Variants in KATNAL2 observed in about 807,000 individuals in gnomAD.
KATNAL2 encodes the protein katanin catalytic subunit A1 like 2, also known as katanin p60 ATPase-containing subunit A-like 2.
In KATNAL2, 52 loss-of-function variants were observed where a neutral mutation model predicts 76.3. The ratio of observed to expected loss-of-function variants is 0.68; its 90% CI spans 0.55 to 0.86. KATNAL2 has a LOEUF of 0.86. KATNAL2 is among the 40% of genes least tolerant of loss of function. The pLI is 0.00. For synonymous variants in KATNAL2, 243 were observed against 244.2 expected (o/e 1.00, Z 0.05); for missense variants, 660 against 668.9 (o/e 0.99, Z 0.15).
At chr18:47,059,406 G>C in intron 7 of KATNAL2, 150 bp from the exon 8 acceptor site, 1 of 647,796 alleles carries the variant, frequency 1.5e-6, no homozygotes, top group Non-Finnish European at 2.8e-6. Context: ...ATCTTCCTGG[G>C]TCTGCACAAA....
intron 4 of KATNAL2, 80 bp downstream of exon 4, chr18:47,046,607 C>A: frequency 4.0e-6 from 4 of 1,001,420 alleles, no homozygotes; most frequent in Non-Finnish European, 4.5e-6. Context: ...CTTTTAAATA[C>A]AATAGACTTT....
At chr18:46,961,999 A>AT (rs1352164327) in intron 3 of KATNAL2, among the ~76,000 whole-genome samples, 1 of 152,176 alleles carries the variant, frequency 6.6e-6, no homozygotes. Flanking sequence ...AGGCATTAAC[A>AT]TTTTTCCTTT....
Position 46,917,618 on chromosome 18 carries a change from G to C in KATNAL2, c.-818G>C, listed in dbSNP as rs2058140856. ...CGCGCCTTCAGTCCGCGCGGCGACA[G>C]CGCCCGCCCGCGCCTGCCCCGGCGT... On this transcript the variant is annotated 5_prime_UTR_variant, in exon 1 of 18. Coordinates refer to ENST00000683218, the MANE Select transcript of KATNAL2 (RefSeq NM_001387690.1). The C allele has an allele frequency of 3.3e-6, 3 of 920,984 alleles. No homozygotes were observed. In the African/African-American group the frequency reaches 5.4e-5, roughly 17 times the overall value. The allele number at this position is 920,984 out of a possible 1,614,324, so 57.1% of individuals were successfully genotyped here.
At chr18:46,953,739 A>T (rs534204058) in intron 3 of KATNAL2, among the ~76,000 whole-genome samples, 1 of 147,994 alleles carries the variant, frequency 6.8e-6, no homozygotes, top group South Asian at 2.2e-4. Context: ...CCTAGGCGAC[A>T]CATGGAGACC....
chr18:46,960,268 TC>T (rs1666418412), intron 3 of KATNAL2, among the ~76,000 whole-genome samples: 2 of 151,996 alleles, frequency 1.3e-5, no homozygotes. Context: ...TGAAACCTCA[TC>T]TCTACTAAAA....
At position 47,058,355 on chromosome 18, in the gene KATNAL2, C is replaced by G; in HGVS notation, c.450+3C>G. Reference sequence around the variant, plus strand: ...TCAATAAGGAGCATCCTAATCAGGTCAGGATGGCTTGGCTTGACTTTGTGA... The same window carrying G: ...TCAATAAGGAGCATCCTAATCAGGTGAGGATGGCTTGGCTTGACTTTGTGA... On this transcript the variant is annotated splice_donor_region_variant and intron_variant, in intron 7 of 17. Transcript: ENST00000683218. 7 of 1,571,738 alleles carry G rather than the reference C, an allele frequency of 4.5e-6. No individual in the cohort carries two copies. The highest frequency in any genetic ancestry group is 6.1e-6 in the Non-Finnish European group (7 of 1,142,278).
intron 15 of KATNAL2, among the ~76,000 whole-genome samples, chr18:47,086,291 G>A (rs988003332): frequency 2.6e-5 from 4 of 152,048 alleles, no homozygotes; most frequent in African/African-American, 4.8e-5. Flanking sequence ...CATTGCAATT[G>A]CCTTCAGTCC....
intron 1 of KATNAL2, among the ~76,000 whole-genome samples, chr18:46,923,221 C>A (rs1269299901): frequency 7.5e-6 from 1 of 133,254 alleles, no homozygotes; most frequent in Admixed American, 7.7e-5. Flanking sequence ...CCCCTCCCCC[C>A]ACCCCACAAC....
At chr18:47,032,809 C>G in intron 3 of KATNAL2, 1 of 996,070 alleles carries the variant, frequency 1.0e-6, no homozygotes, top group Non-Finnish European at 1.5e-6. Context: ...AGGTGTTCTC[C>G]AAGCTGGGAG....
chr18:47,067,800 G>T (rs1271737125), intron 11 of KATNAL2, among the ~76,000 whole-genome samples: 3 of 152,222 alleles, frequency 2.0e-5, no homozygotes, highest in Non-Finnish European at 2.9e-5. Flanking sequence ...TAATTCCGTG[G>T]GTAGGCAGTT....
intron 10 of KATNAL2, among the ~76,000 whole-genome samples, chr18:47,065,289 A>G (rs1340955421): frequency 6.6e-6 from 1 of 152,128 alleles, no homozygotes; most frequent in East Asian, 1.9e-4. Context: ...GCAAAAACCT[A>G]TCTCTACTGA....
At position 47,035,498 on chromosome 18, in the gene KATNAL2, G is replaced by C. The variant is rs72481245; in HGVS notation, c.52-10959G>C. The C allele has an allele frequency of 5.9e-6, 5 of 852,764 alleles. No individual in the cohort carries two copies. The African/African-American group carries it at 8.6e-5, about 15-fold the overall frequency. The allele number at this position is 852,764 out of a possible 1,614,324, so 52.8% of individuals were successfully genotyped here. On this transcript the variant is annotated intron_variant, in intron 3 of 17. Transcript: ENST00000683218. ...GCCCGCTTTTGTTCCTCGGGATGTG[G>C]AGCCACAGCCTGGAGTGACCTCTGC...
chr18:47,073,990 G>A (rs1331941788), intron 13 of KATNAL2, among the ~76,000 whole-genome samples: 4 of 152,094 alleles, frequency 2.6e-5, no homozygotes, highest in Admixed American at 6.5e-5. Context: ...AAACATGTAC[G>A]GGTTTTATAT....
chr18:47,040,312 G>A (rs891135837), intron 3 of KATNAL2, among the ~76,000 whole-genome samples: 3 of 152,204 alleles, frequency 2.0e-5, no homozygotes, highest in East Asian at 3.8e-4. Flanking sequence ...TGGCAAGTTT[G>A]GCCCACAGGT....
intron 15 of KATNAL2, among the ~76,000 whole-genome samples, chr18:47,095,051 G>C (rs573339766): frequency 6.6e-6 from 1 of 152,240 alleles, no homozygotes; most frequent in East Asian, 1.9e-4. Context: ...CTTTACTGCT[G>C]ATTTAGAAAG....
intron 6 of KATNAL2, among the ~76,000 whole-genome samples, chr18:47,057,165 A>G (rs1268996153): frequency 6.6e-6 from 1 of 152,182 alleles, no homozygotes; most frequent in African/African-American, 2.4e-5. Flanking sequence ...TATTATCCCC[A>G]TAAAGAAAGG....
chr18:47,042,180 G>T (rs1911515191), intron 3 of KATNAL2, among the ~76,000 whole-genome samples: 1 of 151,994 alleles, frequency 6.6e-6, no homozygotes, highest in African/African-American at 2.4e-5. Flanking sequence ...TATTTTATAG[G>T]TTCGAGGATT....
Position 47,034,789 on chromosome 18 carries a change from C to G in KATNAL2, c.52-11668C>G, listed in dbSNP as rs140500983. The G allele has an allele frequency of 1.2e-6, 2 of 1,612,346 alleles. No individual in the cohort carries two copies. The highest frequency in any genetic ancestry group is 1.3e-5 in the African/African-American group (1 of 74,892). ...GCGGCCGGAATCAGCTGGGGCTATT[C>G]TGGGGCACTTTCTCTCAGCTCTGGG... On this transcript the variant is annotated intron_variant, in intron 3 of 17. Coordinates refer to ENST00000683218, the MANE Select transcript of KATNAL2 (RefSeq NM_001387690.1).
At chr18:47,042,724 A>G (rs966249072) in intron 3 of KATNAL2, among the ~76,000 whole-genome samples, 4 of 152,206 alleles carry the variant, frequency 2.6e-5, no homozygotes, top group Non-Finnish European at 5.9e-5. Flanking sequence ...AAAAGTCTTT[A>G]AAAATCAGTT....
Sources: gnomAD v4.1 joint callset for allele counts (sites outside exome capture counted in the v4.1 genomes callset) on GRCh38, gnomAD v4.1.1 for gene constraint, MANE v1.5 for transcripts, NCBI Gene and HGNC (gene_info 2026-07-23, HGNC 2026-07-21) for gene names.